Variants in ACTN4 observed in about 807,000 individuals in gnomAD.
ACTN4 encodes the protein actinin alpha 4.
In ACTN4, 18 loss-of-function variants were observed where a neutral mutation model predicts 114.2. The observed-to-expected ratio is 0.16, with a 90% CI of 0.11 to 0.23. The LOEUF (loss-of-function observed/expected upper bound fraction) is 0.23, where lower values mean the gene tolerates loss of function less well. ACTN4 is among the 10% of genes least tolerant of loss of function. ACTN4 has a pLI of 1.00. For missense variants in ACTN4, 722 were observed against 1,262.9 expected (o/e 0.57, Z 6.49); for synonymous variants, 515 against 506.3 (o/e 1.02, Z -0.23).
chr19:38,655,764 T>A (rs1249895738), intron 1 of ACTN4, among the ~76,000 whole-genome samples: 1 of 152,212 alleles, frequency 6.6e-6, no homozygotes, highest in Non-Finnish European at 1.5e-5. Context: ...CCCCCTTATA[T>A]ACCAAAATCC....
chr19:38,731,181 C>CGGCTGGTGAGG lies in ACTN4; in HGVS notation c.*1751_*1761dup. On this transcript the variant is annotated 3_prime_UTR_variant, in exon 21 of 21. Coordinates refer to ENST00000252699, the MANE Select transcript of ACTN4 (RefSeq NM_004924.6). Reference sequence around the variant, plus strand: ...CACACGCAGACGGCTATCCCGGTAGCGGCTGGTGAGGGTCTGGGTCAGCTG... The same window carrying CGGCTGGTGAGG: ...CACACGCAGACGGCTATCCCGGTAGCGGCTGGTGAGGGGCTGGTGAGGGTCTGGGTCAGCTG... The CGGCTGGTGAGG allele has an allele frequency of 6.2e-7, 1 of 1,613,006 alleles. No individual in the cohort carries two copies. Among genetic ancestry groups the CGGCTGGTGAGG allele is most frequent in the Non-Finnish European group, 8.5e-7 (1 of 1,179,990 alleles).
intron 1 of ACTN4, among the ~76,000 whole-genome samples, chr19:38,684,534 C>G (rs1349758505): frequency 1.3e-5 from 2 of 152,220 alleles, no homozygotes; most frequent in Non-Finnish European, 2.9e-5. Context: ...CCTTTGACGT[C>G]ATACCCACAC....
chr19:38,724,404 G>A lies in ACTN4; in HGVS notation c.1876-27G>A, dbSNP rs1317417393. On this transcript the variant is annotated intron_variant, in intron 15 of 20. Coordinates refer to ENST00000252699, the MANE Select transcript of ACTN4 (RefSeq NM_004924.6). This position sits in a 1 kb window ranked among gnomAD's most constrained non-coding sequence, Gnocchi z 7.0. ...GGGGCTGGGGGCCACCTCCCTGACC[G>A]CTCCCACACCGCGTCTCCTCTGCCA... 12 of 1,611,984 alleles carry A rather than the reference G, an allele frequency of 7.4e-6. No homozygotes were observed. Among genetic ancestry groups the A allele is most frequent in the Middle Eastern group, 1.6e-4 (1 of 6,062 alleles).
intron 1 of ACTN4, among the ~76,000 whole-genome samples, chr19:38,674,471 C>T (rs1050183734): frequency 6.6e-6 from 1 of 152,172 alleles, no homozygotes; most frequent in Admixed American, 6.5e-5. Context: ...AAAAGAACTT[C>T]CCAGCCGAGT....
At chr19:38,723,871 A>T in intron 13 of ACTN4, 66 bp from the exon 14 acceptor site, 1 of 1,262,082 alleles carries the variant, frequency 7.9e-7, no homozygotes, top group Non-Finnish European at 1.1e-6. Context: ...ACCCCTCCCC[A>T]CCCCTCCTGC....
rs945344270 is a variant in ACTN4 at position 38,729,326 on chromosome 19, A to G, written c.2630A>G (p.Glu877Gly). Residue 877 changes from glutamate to glycine, a missense_variant, in exon 21 of 21, where the codon GAG becomes GGG. Transcript: ENST00000252699. ...LRRELPPDQA[E>G]YCIARMAPYQ... ...AGAGAGCTGCCCCCCGACCAGGCCG[A>G]GTACTGCATCGCCCGCATGGCGCCA... The G allele has an allele frequency of 6.2e-7, 1 of 1,611,922 alleles. No individual in the cohort carries two copies. Among genetic ancestry groups the G allele is most frequent in the Non-Finnish European group, 8.5e-7 (1 of 1,179,712 alleles).
At chr19:38,728,967 G>A (rs1969369949) in intron 19 of ACTN4, 29 bp from the exon 20 acceptor site, 3 of 1,611,776 alleles carry the variant, frequency 1.9e-6, no homozygotes, top group African/African-American at 1.3e-5. Flanking sequence ...TAAATGTCGG[G>A]TGTCCCCCAC....
intron 1 of ACTN4, among the ~76,000 whole-genome samples, chr19:38,653,028 G>A (rs1350906300): frequency 6.6e-6 from 1 of 150,950 alleles, no homozygotes; most frequent in Non-Finnish European, 1.5e-5. Context: ...GGAGGTTGCA[G>A]TGAGCCAAGA....
intron 1 of ACTN4, among the ~76,000 whole-genome samples, chr19:38,676,530 G>A (rs1355598363): frequency 6.6e-6 from 1 of 152,214 alleles, no homozygotes; most frequent in Non-Finnish European, 1.5e-5. Context: ...CACGGGAGGA[G>A]GCTTACAGAG....
chr19:38,731,105 A>G lies in ACTN4; in HGVS notation c.*1673A>G, dbSNP rs754119613. 6.2e-7 allele frequency: 1 copy of G among 1,609,532 alleles called. No individual in the cohort carries two copies. Among genetic ancestry groups the G allele is most frequent in the African/African-American group, 1.3e-5 (1 of 74,710 alleles). On this transcript the variant is annotated 3_prime_UTR_variant, in exon 21 of 21. Coordinates refer to ENST00000252699, the MANE Select transcript of ACTN4 (RefSeq NM_004924.6). ...GCCCCACCATGCCGGGGTGGTACTC[A>G]CAGAAGATGCAGGTGAGGTGGGCCA...
In ACTN4 at chr19:38,686,762, C is replaced by T. The variant is rs984407667; in HGVS notation, c.163-13838C>T. On this transcript the variant is annotated intron_variant, in intron 1 of 20. Transcript: ENST00000252699. The stretch of plus-strand genomic sequence containing the variant: ...CCTTGGGGAGAACCCAGTTCTTTGA[C>T]GTATAATCTGAGTGGTTTGGGTTGG... Among the ~76,000 whole-genome samples the T allele has an allele frequency of 3.3e-5, 5 of 152,068 alleles. No homozygotes were observed. In the East Asian group the frequency reaches 9.7e-4, roughly 29 times the overall value.
intron 11 of ACTN4, among the ~76,000 whole-genome samples, chr19:38,719,662 A>AT (rs1226723829): frequency 1.3e-5 from 2 of 152,354 alleles, no homozygotes; most frequent in Non-Finnish European, 2.9e-5. Flanking sequence ...GGATTCACTC[A>AT]TTCGTTCAAC....
At chr19:38,705,916 A>G in intron 4 of ACTN4, 128 bp from the exon 5 acceptor site, 3 of 871,220 alleles carry the variant, frequency 3.4e-6, no homozygotes, top group Non-Finnish European at 5.7e-6. Context: ...TGCTGTTGTT[A>G]GGACAGATAT....
In ACTN4 at chr19:38,724,595, A is replaced by G; in HGVS notation, c.2010+30A>G. On this transcript the variant is annotated intron_variant, in intron 16 of 20. Coordinates refer to ENST00000252699, the MANE Select transcript of ACTN4 (RefSeq NM_004924.6). The surrounding 1 kb of genome is among the most constrained non-coding windows in gnomAD (Gnocchi z 7.0). ...GGCACGGCTGAGCCCCACAGAGCTG[A>G]GAAGGTTCCAAGAGAGCTCCCGTAG... 6.2e-7 allele frequency: 1 copy of G among 1,612,672 alleles called. No homozygotes were observed. Among genetic ancestry groups the G allele is most frequent in the Non-Finnish European group, 8.5e-7 (1 of 1,179,866 alleles).
chr19:38,660,486 C>A (rs934046173), intron 1 of ACTN4, among the ~76,000 whole-genome samples: 1 of 151,896 alleles, frequency 6.6e-6, no homozygotes, highest in African/African-American at 2.4e-5. Flanking sequence ...ACCTCCGTCT[C>A]CTGGGTTCAA....
intron 1 of ACTN4, among the ~76,000 whole-genome samples, chr19:38,683,649 C>A (rs1481269487): frequency 6.6e-6 from 1 of 152,204 alleles, no homozygotes; most frequent in African/African-American, 2.4e-5. Flanking sequence ...ATTTCCAGAG[C>A]AGCTTTATCG....
chr19:38,699,632 G>A (rs191211647), intron 1 of ACTN4, among the ~76,000 whole-genome samples: 13 of 152,184 alleles, frequency 8.5e-5, no homozygotes, highest in South Asian at 2.1e-4. Context: ...GCATACACCC[G>A]TAGTCCCAGC....
At chr19:38,678,096 C>T (rs1397024063) in intron 1 of ACTN4, among the ~76,000 whole-genome samples, 3 of 152,164 alleles carry the variant, frequency 2.0e-5, no homozygotes, top group African/African-American at 7.2e-5. Context: ...GGAAAATCAT[C>T]GTTAGCACAG....
intron 1 of ACTN4, among the ~76,000 whole-genome samples, chr19:38,667,046 G>T (rs1367799125): frequency 1.3e-5 from 2 of 152,152 alleles, no homozygotes; most frequent in East Asian, 3.8e-4. Flanking sequence ...TCTTTAGCTT[G>T]TAATTAAGGT....
Sources: allele counts gnomAD v4.1 joint callset (sites outside exome capture counted in the v4.1 genomes callset), GRCh38; gene constraint gnomAD v4.1.1; non-coding constraint Gnocchi (gnomAD v3.1); transcripts MANE v1.5; gene names NCBI Gene and HGNC (gene_info 2026-07-23, HGNC 2026-07-21).